Variants in PREX1 observed in about 807,000 individuals in gnomAD.
PREX1 encodes phosphatidylinositol 3,4,5-trisphosphate-dependent Rac exchanger 1 protein.
A neutral mutation model predicts 198.3 loss-of-function variants in PREX1; 41 were observed. The observed-to-expected ratio is 0.21, with a 90% CI of 0.16 to 0.27. PREX1 has a LOEUF of 0.27. Among genes scored for constraint, PREX1 ranks in the 10% least tolerant of loss-of-function variants. The pLI is 1.00. For missense variants in PREX1, 1,620 were observed against 2,200.7 expected (o/e 0.74, Z 5.28); for synonymous variants, 843 against 887.2 (o/e 0.95, Z 0.89).
chr20:48,805,525 C>T (rs754024806), intron 1 of PREX1, among the ~76,000 whole-genome samples: 42 of 152,176 alleles, frequency 2.8e-4, no homozygotes, highest in Non-Finnish European at 5.3e-4. Context: ...TGTCTTGGCC[C>T]GAAGTGTTGT....
the PREX1 span, among the ~76,000 whole-genome samples, chr20:48,842,368 C>T: frequency 6.6e-6 from 1 of 152,072 alleles, no homozygotes; most frequent in Non-Finnish European, 1.5e-5. Flanking sequence ...GCTCTAAAAC[C>T]ACTATGATTT....
intron 7 of PREX1, among the ~76,000 whole-genome samples, chr20:48,695,458 A>T (rs2089840537): frequency 6.6e-6 from 1 of 152,224 alleles, no homozygotes; most frequent in South Asian, 2.1e-4. Context: ...TTACTGAGTG[A>T]TAAGGAATGT....
At chr20:48,881,688 T>C in the PREX1 span, among the ~76,000 whole-genome samples, 1 of 152,168 alleles carries the variant, frequency 6.6e-6, no homozygotes, top group African/African-American at 2.4e-5. Flanking sequence ...GGTTTCACCC[T>C]ATTGGCCGGG....
chr20:48,742,943 C>A (rs567983218), intron 3 of PREX1, among the ~76,000 whole-genome samples: 7 of 152,300 alleles, frequency 4.6e-5, no homozygotes, highest in African/African-American at 1.7e-4. Flanking sequence ...ACCTTGAGGA[C>A]CCTTTCTCCC....
At chr20:48,676,145 G>C (rs773162103) in intron 14 of PREX1, 48 bp downstream of exon 14, 70 of 1,555,650 alleles carry the variant, frequency 4.5e-5, no homozygotes, top group Non-Finnish European at 5.9e-5. Context: ...GCCCCACACT[G>C]ACGGACAAAG....
intron 16 of PREX1, among the ~76,000 whole-genome samples, chr20:48,659,447 A>G (rs2089573500): frequency 6.6e-6 from 1 of 152,028 alleles, no homozygotes; most frequent in Admixed American, 6.6e-5. Flanking sequence ...GAGGGGCATG[A>G]AATCAGAGGG....
At chr20:48,626,028 C>G in intron 39 of PREX1, 101 bp from the exon 40 acceptor site, 1 of 1,253,196 alleles carries the variant, frequency 8.0e-7, no homozygotes, top group Admixed American at 3.3e-5. Flanking sequence ...TGCCCAGAAA[C>G]CCAAACTCAC....
At chr20:48,781,058 C>T (rs2090287513) in intron 1 of PREX1, among the ~76,000 whole-genome samples, 1 of 152,070 alleles carries the variant, frequency 6.6e-6, no homozygotes, top group East Asian at 1.9e-4. Context: ...CAGGACTCTT[C>T]AAAAAAGTGT....
At chr20:48,649,704 T>C (rs2089478077) in intron 24 of PREX1, 128 bp from the exon 25 acceptor site, 1 of 1,164,024 alleles carries the variant, frequency 8.6e-7, no homozygotes. Context: ...TAAATACTCT[T>C]AATTCATTCA....
chr20:48,691,905 G>C lies in PREX1; in HGVS notation c.1036+767C>G, dbSNP rs1169251437. ...AAAATGTAGACCATATTTTCTGGGC[G>C]GGGAGACTAGGTGTCGCTCTGTCAC... On this transcript the variant is annotated intron_variant, in intron 8 of 39. Transcript: ENST00000371941. The surrounding 1 kb of genome is among the most constrained non-coding windows in gnomAD (Gnocchi z 5.0). 6.6e-6 allele frequency among the ~76,000 whole-genome samples: 1 copy of C among 152,132 alleles called. No individual in the cohort carries two copies. The highest frequency in any genetic ancestry group is 1.5e-5 in the Non-Finnish European group (1 of 68,014).
chr20:48,691,063 T>C lies in PREX1; in HGVS notation c.1070A>G (p.Asn357Ser). 1 of 1,614,182 alleles carries C rather than the reference T, an allele frequency of 6.2e-7. No homozygotes were observed. Among genetic ancestry groups the C allele is most frequent in the South Asian group, 1.1e-5 (1 of 91,082 alleles). ...DYHSNGYTVT[N>S]GWKIHNTAKN... ...GGCCGTGTTGTGGATCTTCCAGCCG[T>C]TGGTGACGGTATAGCCGTTGCTATG... The change falls in exon 9 of 40, where the codon AAC (asparagine) becomes AGC (serine). Residue 357 changes from asparagine to serine, a missense_variant. Transcript: ENST00000371941. This position sits in a 1 kb window ranked among gnomAD's most constrained non-coding sequence, Gnocchi z 5.0.
chr20:48,804,393 G>A (rs1273819203), intron 1 of PREX1, among the ~76,000 whole-genome samples: 1 of 152,218 alleles, frequency 6.6e-6, no homozygotes, highest in Non-Finnish European at 1.5e-5. Context: ...TGGGAGGCCA[G>A]GGAAGGCTGG....
intron 1 of PREX1, among the ~76,000 whole-genome samples, chr20:48,795,416 A>AC (rs1374850699): frequency 6.7e-6 from 1 of 149,940 alleles, no homozygotes; most frequent in Non-Finnish European, 1.5e-5. Context: ...GCTTGCCCCA[A>AC]CCCCCCACCC....
intron 5 of PREX1, among the ~76,000 whole-genome samples, chr20:48,723,792 G>C (rs1194384781): frequency 3.3e-5 from 5 of 152,178 alleles, no homozygotes; most frequent in African/African-American, 4.8e-5. Context: ...CCCCTGGGGA[G>C]ATGGGAACAG....
In PREX1 at chr20:48,663,889, C is replaced by T. The variant is rs73326953; in HGVS notation, c.1738+2394G>A. 2.0e-5 allele frequency among the ~76,000 whole-genome samples: 3 copies of T among 150,424 alleles called. 1 individual carries two copies. The highest frequency in any genetic ancestry group is 4.4e-5 in the Non-Finnish European group (3 of 68,028). On this transcript the variant is annotated intron_variant, in intron 15 of 39. Coordinates refer to ENST00000371941, the MANE Select transcript of PREX1 (RefSeq NM_020820.4). ...CACACCACATGCACATGTGTGCACA[C>T]ACATACAAGTGTGAGTGCGCGCACA...
the PREX1 span, among the ~76,000 whole-genome samples, chr20:48,853,361 G>T: frequency 2.0e-5 from 3 of 152,158 alleles, no homozygotes; most frequent in Non-Finnish European, 4.4e-5. Flanking sequence ...GGCTGAGGAA[G>T]CCTCAGGAAA....
At chr20:48,637,300 G>A (rs1022469061) in intron 31 of PREX1, among the ~76,000 whole-genome samples, 6 of 152,214 alleles carry the variant, frequency 3.9e-5, no homozygotes, top group African/African-American at 1.4e-4. Flanking sequence ...AGATCCTGCA[G>A]TAGCACCCCC....
intron 14 of PREX1, among the ~76,000 whole-genome samples, chr20:48,671,762 C>T (rs1194440777): frequency 6.6e-6 from 1 of 152,148 alleles, no homozygotes; most frequent in Admixed American, 6.5e-5. Flanking sequence ...GCGGGCACAC[C>T]CTCCTCCCCT....
At chr20:48,764,550 A>G (rs1366509847) in intron 1 of PREX1, among the ~76,000 whole-genome samples, 2 of 152,124 alleles carry the variant, frequency 1.3e-5, no homozygotes, top group African/African-American at 4.8e-5. Context: ...TGGGAGGCCG[A>G]GGTGGGTGGA....
Sources: gnomAD v4.1 joint callset for allele counts (sites outside exome capture counted in the v4.1 genomes callset) on GRCh38, gnomAD v4.1.1 for gene constraint, Gnocchi (gnomAD v3.1) non-coding constraint, MANE v1.5 for transcripts, NCBI Gene and HGNC (gene_info 2026-07-23, HGNC 2026-07-21) for gene names.